TMEM100: variants seen among roughly 807,000 people sequenced by gnomAD.
TMEM100 encodes the protein transmembrane protein 100.
For synonymous variants in TMEM100, 61 were observed against 67.1 expected, an observed-to-expected ratio of 0.91 and a Z score of 0.44; for missense variants, 137 against 168.2, an observed-to-expected ratio of 0.81 and a Z score of 1.02.
At chr17:55,728,495 G>C (rs892665688) in intron 1 of TMEM100, among the ~76,000 whole-genome samples, 1 of 152,168 alleles carries the variant, frequency 6.6e-6, no homozygotes, top group Non-Finnish European at 1.5e-5. Context: ...CATAGGCCTG[G>C]TACCTGCGGA....
upstream of TMEM100, among the ~76,000 whole-genome samples, chr17:55,724,909 A>G (rs551066451): frequency 5.3e-5 from 8 of 152,340 alleles, no homozygotes; most frequent in Non-Finnish European, 8.8e-5. Flanking sequence ...TGTCAGGCTC[A>G]GGTGCCTCAT....
At chr17:55,723,117 C>T (rs1393483266), upstream of TMEM100, 2 of 152,446 alleles carry the variant, frequency 1.3e-5, no homozygotes, top group Admixed American at 6.5e-5. Context: ...TCATTTTTTC[C>T]CCCGCCGACC....
Position 55,719,654 on chromosome 17 carries a change from T to C in TMEM100, c.*1012A>G, listed in dbSNP as rs1908795417. ...CCACAAAAATGTAATATACATTTAA[T>C]AGCACATTATAAAGTTCCTGACCAA... On this transcript the variant is annotated 3_prime_UTR_variant, in exon 2 of 2. Transcript: ENST00000424486. 6.6e-6 allele frequency: 1 copy of C among 152,372 alleles called. No homozygotes were observed. Among genetic ancestry groups the C allele is most frequent in the Non-Finnish European group, 1.5e-5 (1 of 68,044 alleles). The allele number at this position is 152,372 out of a possible 1,614,324, so 9.4% of individuals were successfully genotyped here.
chr17:55,721,232 A>G, intron 1 of TMEM100, 97 bp from the exon 2 acceptor site: 1 of 793,646 alleles, frequency 1.3e-6, no homozygotes, highest in Non-Finnish European at 1.9e-6. Flanking sequence ...TCTAGGAGGC[A>G]CAGATCCATG....
chr17:55,728,228 C>A (rs150828180), intron 1 of TMEM100, among the ~76,000 whole-genome samples: 10 of 152,230 alleles, frequency 6.6e-5, no homozygotes, highest in Non-Finnish European at 1.5e-4. Flanking sequence ...GTACCTCTTT[C>A]TTCTTCTATG....
At chr17:55,723,115 TC>T, upstream of TMEM100, 1 of 152,594 alleles carries the variant, frequency 6.6e-6, no homozygotes. Flanking sequence ...ACTCATTTTT[TC>T]CCCCGCCGAC....
rs1027103306 is a variant in TMEM100 at position 55,719,755 on chromosome 17, T to A, written c.*911A>T. The A allele has an allele frequency of 5.2e-5, 8 of 152,394 alleles. No homozygotes were observed. The highest frequency in any genetic ancestry group is 1.9e-4 in the African/African-American group (8 of 41,434). 9.4% of individuals were successfully genotyped at this position (152,394 alleles called of 1,614,324 possible). A position where few individuals can be genotyped will look rare whatever the true frequency, so the allele number is the denominator to read the frequency against. On this transcript the variant is annotated 3_prime_UTR_variant, in exon 2 of 2. Transcript: ENST00000424486. ...AAACGTAATTAAGACTATTCAGAAGTAATGAAAAACCAATATGATAAAAAC... is the reference window on the plus strand; with the variant it reads ...AAACGTAATTAAGACTATTCAGAAGAAATGAAAAACCAATATGATAAAAAC...
rs1426585173 is a variant in TMEM100, at chr17:55,720,582, C to G, written c.*84G>C. The G allele has an allele frequency of 4.4e-6, 6 of 1,359,180 alleles. No individual in the cohort carries two copies. The highest frequency in any genetic ancestry group is 5.9e-6 in the Non-Finnish European group (6 of 1,025,098). 84.2% of individuals were successfully genotyped at this position (1,359,180 alleles called of 1,614,324 possible). ...TCTGCTCCAACGCCAAGTCTGTTCT[C>G]TCCCACCATGGTTCTGGGTGAATTG... is the stretch of plus-strand genomic sequence containing the variant. On this transcript the variant is annotated 3_prime_UTR_variant, in exon 2 of 2. Transcript: ENST00000424486.
intron 1 of TMEM100, among the ~76,000 whole-genome samples, chr17:55,731,037 A>C (rs1042699463): frequency 6.6e-6 from 1 of 152,216 alleles, no homozygotes; most frequent in African/African-American, 2.4e-5. Context: ...ATCAGGGCAC[A>C]CAGAAGGGCA....
chr17:55,723,156 T>A (rs1261176437), upstream of TMEM100: 1 of 153,124 alleles, frequency 6.5e-6, no homozygotes, highest in Non-Finnish European at 1.5e-5. Context: ...CCATCAGGCA[T>A]TTTTATAAGA....
Position 55,720,987 on chromosome 17 carries a change from T to C in TMEM100, c.84A>G (p.Glu28=). 6.2e-7 allele frequency: 1 copy of C among 1,614,184 alleles called. No individual in the cohort carries two copies. Among genetic ancestry groups the C allele is most frequent in the Non-Finnish European group, 8.5e-7 (1 of 1,180,026 alleles). ...CCAGAGGGACTGTGGTGATCACAAC[T>C]TCACTCTTGGGGCTCTTCTCCATCG... ...AATMEKSPKS[E]VVITTVPLVS... Residue 28 remains glutamate (E), a synonymous_variant, in exon 2 of 2, where the codon GAA becomes GAG. Coordinates refer to ENST00000424486, the MANE Select transcript of TMEM100 (RefSeq NM_018286.3).
At chr17:55,726,010 A>G (rs1322374318), upstream of TMEM100, among the ~76,000 whole-genome samples, 3 of 152,104 alleles carry the variant, frequency 2.0e-5, no homozygotes, top group Non-Finnish European at 4.4e-5. Context: ...TCCCAATAAC[A>G]TGCAGGTAAT....
chr17:55,720,925 G>A lies in TMEM100; in HGVS notation c.146C>T (p.Thr49Ile). Residue 49 changes from threonine to isoleucine, a missense_variant, in exon 2 of 2, where the codon ACC (threonine) becomes ATC (isoleucine). Transcript: ENST00000424486. ...GATGCAGCGGTAGCAGGAGAGCTCG[G>A]TACCCCCTGTAGCAGCCATCAACTG... ...EIQLMAATGGTELSCYRCIIP... is the reference protein window; with the variant it reads ...EIQLMAATGGIELSCYRCIIP... The A allele has an allele frequency of 6.2e-7, 1 of 1,614,170 alleles. No homozygotes were observed. Among genetic ancestry groups the A allele is most frequent in the Non-Finnish European group, 8.5e-7 (1 of 1,180,022 alleles).
intron 1 of TMEM100, among the ~76,000 whole-genome samples, chr17:55,730,232 C>T (rs1027772964): frequency 2.0e-5 from 3 of 151,882 alleles, no homozygotes; most frequent in Admixed American, 2.0e-4. Context: ...CCAAATAAGT[C>T]AATGAATAAA....
chr17:55,721,967 T>C (rs972787919), intron 1 of TMEM100: 20 of 152,368 alleles, frequency 1.3e-4, no homozygotes, highest in African/African-American at 4.8e-4. Context: ...AATTTCGATA[T>C]TATGTATACT....
chr17:55,724,091 C>A (rs1360075693), upstream of TMEM100, among the ~76,000 whole-genome samples: 1 of 152,172 alleles, frequency 6.6e-6, no homozygotes, highest in African/African-American at 2.4e-5. Context: ...ATACTGTGAA[C>A]CACAAATCCA....
chr17:55,721,709 G>A (rs1908896136), intron 1 of TMEM100: 1 of 152,182 alleles, frequency 6.6e-6, no homozygotes, highest in Non-Finnish European at 1.5e-5. Flanking sequence ...AGTGCAACCT[G>A]CTCCCTGGGA....
At chr17:55,721,501 A>C (rs1359825132) in intron 1 of TMEM100, 1 of 160,162 alleles carries the variant, frequency 6.2e-6, no homozygotes, top group Non-Finnish European at 1.4e-5. Context: ...CATTACAAAC[A>C]ATATTTCGTA....
chr17:55,726,252 A>G (rs997248968), upstream of TMEM100, among the ~76,000 whole-genome samples: 15 of 152,334 alleles, frequency 9.8e-5, no homozygotes, highest in Non-Finnish European at 1.9e-4. Flanking sequence ...AGAATGCCCC[A>G]AATTGCAAAA....
Sources: allele counts gnomAD v4.1 joint callset (sites outside exome capture counted in the v4.1 genomes callset), GRCh38; gene constraint gnomAD v4.1.1; transcripts MANE v1.5; gene names NCBI Gene and HGNC (gene_info 2026-07-23, HGNC 2026-07-21).